The following KIF1B variants were observed in gnomAD, a reference collection of about 807,000 sequenced individuals.
KIF1B encodes kinesin family member 1B, also known as kinesin-like protein KIF1B.
A neutral mutation model predicts 241.9 loss-of-function variants in KIF1B; 76 were observed. That is an observed-to-expected ratio of 0.31 (90% CI 0.26 to 0.38). The LOEUF (loss-of-function observed/expected upper bound fraction) is 0.38. Ranked by LOEUF, KIF1B falls within the 10% of genes least tolerant of loss-of-function variation. The probability of loss-of-function intolerance (pLI) is 1.00; values close to 1 mark genes in which losing one functional copy is unlikely to be tolerated. For missense variants in KIF1B, 1,622 were observed against 2,271.4 expected (o/e 0.71, Z 5.81); for synonymous variants, 750 against 796.7 (o/e 0.94, Z 0.99).
At chr1:10,216,367 C>G (rs1036474974) in intron 1 of KIF1B, among the ~76,000 whole-genome samples, 2 of 152,212 alleles carry the variant, frequency 1.3e-5, no homozygotes, top group African/African-American at 4.8e-5. Context: ...TGTTCTCCCA[C>G]TCTAAGTCTC....
intron 22 of KIF1B, among the ~76,000 whole-genome samples, chr1:10,318,129 A>G (rs1039375222): frequency 6.6e-6 from 1 of 151,276 alleles, no homozygotes; most frequent in Non-Finnish European, 1.5e-5. Flanking sequence ...GTGTTTAGAT[A>G]TCTAGTAAAG....
At chr1:10,272,960 C>T in intron 9 of KIF1B, 54 bp from the exon 10 acceptor site, 1 of 1,438,346 alleles carries the variant, frequency 7.0e-7, no homozygotes, top group East Asian at 2.5e-5. Context: ...TAATTTTCTA[C>T]TTGGAGGCTT....
intron 1 of KIF1B, among the ~76,000 whole-genome samples, chr1:10,224,499 GC>G (rs992363132): frequency 2.6e-5 from 4 of 152,016 alleles, no homozygotes; most frequent in African/African-American, 9.7e-5. Flanking sequence ...GCTAATTGCA[GC>G]CTCCAACTCC....
intron 32 of KIF1B, among the ~76,000 whole-genome samples, chr1:10,340,593 C>T (rs1031624980): frequency 1.3e-4 from 20 of 152,148 alleles, no homozygotes; most frequent in African/African-American, 2.4e-4. Context: ...ATACCTGTCC[C>T]GGCACTCTGG....
chr1:10,307,073 A>G, intron 22 of KIF1B: 1 of 1,038,018 alleles, frequency 9.6e-7, no homozygotes, highest in Non-Finnish European at 1.2e-6. Context: ...AGGTGTCCTC[A>G]TGTTGCTGAA....
chr1:10,241,645 G>A (rs1361441734), intron 2 of KIF1B, among the ~76,000 whole-genome samples: 2 of 152,118 alleles, frequency 1.3e-5, no homozygotes, highest in African/African-American at 4.8e-5. Context: ...TGCTTTGCAT[G>A]TTGTTGTTGT....
At chr1:10,316,326 C>T (rs185973852) in intron 22 of KIF1B, among the ~76,000 whole-genome samples, 87 of 151,662 alleles carry the variant, frequency 5.7e-4, no homozygotes, top group South Asian at 2.5e-3. Context: ...GTCCTATTAT[C>T]AATAATGTTA....
At chr1:10,245,475 G>C (rs1303510683) in intron 2 of KIF1B, among the ~76,000 whole-genome samples, 1 of 152,092 alleles carries the variant, frequency 6.6e-6, no homozygotes, top group Admixed American at 6.6e-5. Context: ...CCCTTCTCCA[G>C]CTCTCCTAAG....
intron 31 of KIF1B, 130 bp from the exon 32 acceptor site, chr1:10,339,639 A>G (rs781557993): frequency 4.9e-5 from 38 of 779,324 alleles, no homozygotes; most frequent in Non-Finnish European, 8.1e-5. Context: ...TGACAAGGAA[A>G]GTAAATAACT....
At chr1:10,281,055 C>G (rs544421648) in intron 14 of KIF1B, among the ~76,000 whole-genome samples, 22 of 152,190 alleles carry the variant, frequency 1.4e-4, no homozygotes, top group African/African-American at 5.3e-4. Flanking sequence ...GCCCTATGTT[C>G]TGTATTTGCA....
At chr1:10,273,735 A>C (rs1041359680) in intron 10 of KIF1B, among the ~76,000 whole-genome samples, 18,465 of 87,250 alleles carry the variant, frequency 0.21, 1,663 homozygotes, top group African/African-American at 0.26. Flanking sequence ...AAAAAAAAAA[A>C]AAAACCCAAC....
At chr1:10,243,313 G>C (rs1286292974) in intron 2 of KIF1B, among the ~76,000 whole-genome samples, 2 of 152,190 alleles carry the variant, frequency 1.3e-5, no homozygotes, top group Admixed American at 1.3e-4. Flanking sequence ...TAGCTACTCG[G>C]GAGGCTGAGG....
At chr1:10,245,312 T>C (rs919968495) in intron 2 of KIF1B, among the ~76,000 whole-genome samples, 1 of 152,222 alleles carries the variant, frequency 6.6e-6, no homozygotes, top group Admixed American at 6.5e-5. Context: ...AAGTCTTAAC[T>C]TGAAACTTCT....
intron 2 of KIF1B, among the ~76,000 whole-genome samples, chr1:10,249,755 T>C (rs746808244): frequency 6.6e-5 from 10 of 151,956 alleles, no homozygotes; most frequent in Non-Finnish European, 1.3e-4. Context: ...ATAAACAAAT[T>C]AGCCGTGCAT....
intron 45 of KIF1B, among the ~76,000 whole-genome samples, chr1:10,371,533 C>T (rs1350094932): frequency 6.6e-6 from 1 of 152,144 alleles, no homozygotes; most frequent in African/African-American, 2.4e-5. Context: ...CCATTCCTAC[C>T]CCTGCTTGTC....
Position 10,376,714 on chromosome 1 carries a change from G to T in KIF1B, c.*127G>T. 1.1e-6 allele frequency: 1 copy of T among 944,978 alleles called. No individual in the cohort carries two copies. The highest frequency in any genetic ancestry group is 1.7e-6 in the Non-Finnish European group (1 of 582,670). The allele number at this position is 944,978 out of a possible 1,614,324, so 58.5% of individuals were successfully genotyped here. A position where few individuals can be genotyped will look rare whatever the true frequency, so the allele number is the denominator to read the frequency against. On this transcript the variant is annotated 3_prime_UTR_variant, in exon 49 of 49. Coordinates refer to ENST00000676179, the MANE Select transcript of KIF1B (RefSeq NM_001365951.3). ...GTGGCTTAACTACTTCTCCCTCCTTGTCCAGCACTTTTCTAGCTCTCCCGT... is the reference window on the plus strand; with the variant it reads ...GTGGCTTAACTACTTCTCCCTCCTTTTCCAGCACTTTTCTAGCTCTCCCGT...
chr1:10,375,890 A>G (rs1638874338), intron 48 of KIF1B, among the ~76,000 whole-genome samples: 2 of 131,388 alleles, frequency 1.5e-5, no homozygotes, highest in Middle Eastern at 9.5e-3. Context: ...TCCACCTCCC[A>G]GGTTCAAGCC....
At chr1:10,352,597 G>A (rs1419390898) in intron 37 of KIF1B, 34 bp from the exon 38 acceptor site, 1 of 1,537,278 alleles carries the variant, frequency 6.5e-7, no homozygotes, top group South Asian at 1.1e-5. Flanking sequence ...TTTCAAATGT[G>A]TCCGTGCTCT....
chr1:10,368,997 G>A (rs776013561), intron 44 of KIF1B, among the ~76,000 whole-genome samples: 5 of 152,070 alleles, frequency 3.3e-5, no homozygotes, highest in African/African-American at 9.7e-5. Context: ...CCTGCCTTGG[G>A]GTCTTTGCAC....
Sources: allele counts gnomAD v4.1 joint callset (sites outside exome capture counted in the v4.1 genomes callset), GRCh38; gene constraint gnomAD v4.1.1; transcripts MANE v1.5; gene names NCBI Gene and HGNC (gene_info 2026-07-23, HGNC 2026-07-21).